DOK6: variants seen among roughly 807,000 people sequenced by gnomAD.
DOK6 encodes downstream of tyrosine kinase 6.
A neutral mutation model predicts 44.0 loss-of-function variants in DOK6; 22 were observed. The ratio of observed to expected loss-of-function variants is 0.50; its 90% confidence interval spans 0.36 to 0.71. DOK6 has a LOEUF of 0.71. Ranked by LOEUF, DOK6 falls within the 30% of genes least tolerant of loss-of-function variation. The pLI, the probability that DOK6 is intolerant of heterozygous loss-of-function variation, is 0.00. For synonymous variants in DOK6, 166 were observed against 145.5 expected (o/e 1.14, Z -1.01); for missense variants, 340 against 416.4 (o/e 0.82, Z 1.60).
At chr18:69,511,237 A>G (rs1048312945) in intron 1 of DOK6, among the ~76,000 whole-genome samples, 2 of 152,098 alleles carry the variant, frequency 1.3e-5, no homozygotes, top group African/African-American at 4.8e-5. Flanking sequence ...TTGTTTTTGT[A>G]TCTTGGCACA....
chr18:69,564,463 T>A (rs1390897467), intron 1 of DOK6, 24 bp from the exon 2 acceptor site: 1 of 1,598,484 alleles, frequency 6.3e-7, no homozygotes, highest in African/African-American at 1.3e-5. Flanking sequence ...ATATGGATAA[T>A]GGGATTCCTT....
intron 2 of DOK6, among the ~76,000 whole-genome samples, chr18:69,565,497 G>T (rs987053390): frequency 3.3e-4 from 4 of 12,080 alleles, no homozygotes. Context: ...GTGTGTGTGT[G>T]TGTGTGTGTG....
chr18:69,578,389 C>T (rs2144607918), intron 2 of DOK6, among the ~76,000 whole-genome samples: 1 of 152,254 alleles, frequency 6.6e-6, no homozygotes, highest in East Asian at 1.9e-4. Context: ...AAAGTCATTT[C>T]TGCCTTAGAG....
At chr18:69,732,624 T>C (rs868708897) in intron 5 of DOK6, among the ~76,000 whole-genome samples, 1 of 152,078 alleles carries the variant, frequency 6.6e-6, no homozygotes, top group Non-Finnish European at 1.5e-5. Context: ...TAGGGTAAAA[T>C]GAAAACTTTG....
At chr18:69,723,442 A>G (rs1193838147) in intron 5 of DOK6, among the ~76,000 whole-genome samples, 1 of 152,162 alleles carries the variant, frequency 6.6e-6, no homozygotes, top group Non-Finnish European at 1.5e-5. Flanking sequence ...TTCACAGGCA[A>G]ACTCTCTGAT....
chr18:69,703,486 A>G (rs1448311969), intron 5 of DOK6, among the ~76,000 whole-genome samples: 1 of 152,226 alleles, frequency 6.6e-6, no homozygotes, highest in Non-Finnish European at 1.5e-5. Flanking sequence ...AATAAAATAC[A>G]TCCCAGGAGG....
chr18:69,720,062 C>G (rs8082794), intron 5 of DOK6, among the ~76,000 whole-genome samples: 117,574 of 151,756 alleles, frequency 0.77, 45,788 homozygotes, highest in East Asian at 0.98. Flanking sequence ...GGTGGCACAC[C>G]CTTGTAGTCC....
intron 3 of DOK6, among the ~76,000 whole-genome samples, chr18:69,601,663 G>A (rs1162786298): frequency 6.6e-6 from 1 of 152,150 alleles, no homozygotes; most frequent in Non-Finnish European, 1.5e-5. Context: ...CTTAACAAAA[G>A]CATTTAAATT....
At chr18:69,694,140 T>C (rs1986341286) in intron 4 of DOK6, among the ~76,000 whole-genome samples, 1 of 148,962 alleles carries the variant, frequency 6.7e-6, no homozygotes, top group Non-Finnish European at 1.5e-5. Flanking sequence ...TCAGTTCTTC[T>C]CGGCACTGAT....
intron 1 of DOK6, among the ~76,000 whole-genome samples, chr18:69,557,815 A>T (rs1384953287): frequency 6.6e-6 from 1 of 152,154 alleles, no homozygotes; most frequent in Non-Finnish European, 1.5e-5. Context: ...ATCTGCCGTA[A>T]GACAGACACT....
chr18:69,515,341 C>G (rs1286775227), intron 1 of DOK6, among the ~76,000 whole-genome samples: 2 of 152,062 alleles, frequency 1.3e-5, no homozygotes, highest in African/African-American at 2.4e-5. Context: ...TTTCCTGGTC[C>G]TAAGGTGAAC....
chr18:69,401,298 C>T lies in DOK6; in HGVS notation c.54C>T (p.Ser18=). ...AGCAGGGCTACGTGAAAATCCGCAG[C>T]AGGAAGCTTGGGGTGAGTGGCTCGC... is the stretch of plus-strand genomic sequence containing the variant. The part of the protein sequence containing the change: ...IVKQGYVKIR[S]RKLGIFRRCW... Residue 18 remains serine, a synonymous_variant, in exon 1 of 8, where the codon AGC becomes AGT. Transcript: ENST00000382713. The T allele has an allele frequency of 3.2e-6, 5 of 1,580,092 alleles. No homozygotes were observed. Among genetic ancestry groups the T allele is most frequent in the Non-Finnish European group, 4.3e-6 (5 of 1,163,688 alleles).
chr18:69,728,047 T>C (rs1228869577), intron 5 of DOK6, among the ~76,000 whole-genome samples: 2 of 152,214 alleles, frequency 1.3e-5, no homozygotes, highest in African/African-American at 4.8e-5. Context: ...CTGAACTGAT[T>C]TGGGCTTTGC....
chr18:69,837,163 G>C (rs1333701666), intron 7 of DOK6, among the ~76,000 whole-genome samples: 1 of 152,128 alleles, frequency 6.6e-6, no homozygotes, highest in Non-Finnish European at 1.5e-5. Flanking sequence ...TGCTATAACA[G>C]AATACCACAG....
At chr18:69,674,740 G>A (rs1327935532) in intron 3 of DOK6, among the ~76,000 whole-genome samples, 4 of 151,890 alleles carry the variant, frequency 2.6e-5, no homozygotes, top group African/African-American at 9.7e-5. Context: ...TGAGCCTTTG[G>A]CATAGCTCCT....
chr18:69,475,874 AT>A (rs1420179214), intron 1 of DOK6, among the ~76,000 whole-genome samples: 2 of 152,158 alleles, frequency 1.3e-5, no homozygotes, highest in African/African-American at 2.4e-5. Context: ...TTGAATGTTT[AT>A]TTTTTATTAT....
chr18:69,807,418 A>G (rs1291072025), intron 7 of DOK6, among the ~76,000 whole-genome samples: 1 of 151,990 alleles, frequency 6.6e-6, no homozygotes, highest in South Asian at 2.1e-4. Flanking sequence ...ACAATTAGCA[A>G]AATAGCAGTA....
intron 2 of DOK6, among the ~76,000 whole-genome samples, chr18:69,579,567 T>C (rs978401834): frequency 2.6e-5 from 3 of 115,798 alleles, no homozygotes; most frequent in African/African-American, 8.8e-5. Flanking sequence ...AGAAGCCAAC[T>C]TTTCTTTTTT....
chr18:69,733,983 A>T (rs548859284), intron 5 of DOK6, among the ~76,000 whole-genome samples: 1 of 152,214 alleles, frequency 6.6e-6, no homozygotes, highest in South Asian at 2.1e-4. Flanking sequence ...TCACCGGCAA[A>T]TTCATCTATC....
Sources: allele counts gnomAD v4.1 joint callset (sites outside exome capture counted in the v4.1 genomes callset), GRCh38; gene constraint gnomAD v4.1.1; transcripts MANE v1.5; gene names NCBI Gene and HGNC (gene_info 2026-07-23, HGNC 2026-07-21).